Variants in ATXN7L1 observed in about 807,000 individuals in gnomAD.
ATXN7L1 encodes ataxin-7-like protein 1.
A neutral mutation model predicts 70.8 loss-of-function variants in ATXN7L1; 15 were observed. The observed-to-expected ratio is 0.21, with a 90% CI of 0.14 to 0.33. The LOEUF (loss-of-function observed/expected upper bound fraction) is 0.33. ATXN7L1 is among the 10% of genes least tolerant of loss of function. The pLI, the probability that ATXN7L1 is intolerant of heterozygous loss-of-function variation, is 1.00. For missense variants in ATXN7L1, 975 were observed against 1,097.1 expected (o/e 0.89, Z 1.57); for synonymous variants, 440 against 445.1 (o/e 0.99, Z 0.14).
chr7:105,617,818 C>T (rs771226464), intron 9 of ATXN7L1: 23 of 399,048 alleles, frequency 5.8e-5, no homozygotes, highest in Admixed American at 4.4e-4. Context: ...ACTGTGTTGG[C>T]GGCTCCTGAT....
chr7:105,809,520 G>T (rs1452369400), intron 2 of ATXN7L1, among the ~76,000 whole-genome samples: 1 of 152,112 alleles, frequency 6.6e-6, no homozygotes, highest in Non-Finnish European at 1.5e-5. Flanking sequence ...AGGCAGTATT[G>T]GTCCTTTATG....
chr7:105,610,691 G>T, intron 10 of ATXN7L1, 88 bp from the exon 11 acceptor site: 1 of 1,058,746 alleles, frequency 9.4e-7, no homozygotes, highest in Non-Finnish European at 1.4e-6. Context: ...GGAAAGAAGG[G>T]CTGCACAATG....
At chr7:105,847,162 G>A (rs1030512766) in intron 2 of ATXN7L1, among the ~76,000 whole-genome samples, 1 of 152,196 alleles carries the variant, frequency 6.6e-6, no homozygotes, top group African/African-American at 2.4e-5. Context: ...GTCACAGGGT[G>A]AGCCAAGCGT....
intron 3 of ATXN7L1, among the ~76,000 whole-genome samples, chr7:105,776,860 G>A (rs1802811722): frequency 6.6e-6 from 1 of 152,032 alleles, no homozygotes; most frequent in Non-Finnish European, 1.5e-5. Flanking sequence ...ATCTCTGCCT[G>A]CCAGGTTCAA....
At chr7:105,705,514 G>T (rs1307039723) in intron 3 of ATXN7L1, among the ~76,000 whole-genome samples, 1 of 152,048 alleles carries the variant, frequency 6.6e-6, no homozygotes, top group Non-Finnish European at 1.5e-5. Context: ...TGGCCTTGAG[G>T]GATGTCTAAG....
chr7:105,648,429 C>T (rs373448007), intron 4 of ATXN7L1, among the ~76,000 whole-genome samples: 3 of 152,204 alleles, frequency 2.0e-5, no homozygotes, highest in South Asian at 4.1e-4. Flanking sequence ...CGCTAGCCAT[C>T]GGGCCAGCCT....
intron 3 of ATXN7L1, among the ~76,000 whole-genome samples, chr7:105,770,928 G>C (rs1220197839): frequency 1.3e-5 from 2 of 152,042 alleles, no homozygotes; most frequent in Non-Finnish European, 2.9e-5. Context: ...TGGGCTAGGT[G>C]CAGTGGCTCA....
chr7:105,805,347 G>A (rs1194975125), intron 2 of ATXN7L1, among the ~76,000 whole-genome samples: 1 of 152,178 alleles, frequency 6.6e-6, no homozygotes, highest in Non-Finnish European at 1.5e-5. Flanking sequence ...CCAGGACTTG[G>A]TAAGTTGGAT....
At chr7:105,644,663 A>G (rs1481694760) in intron 4 of ATXN7L1, among the ~76,000 whole-genome samples, 1 of 152,266 alleles carries the variant, frequency 6.6e-6, no homozygotes. Context: ...AAGATGCTAG[A>G]CAGGTATTAC....
intron 3 of ATXN7L1, among the ~76,000 whole-genome samples, chr7:105,738,948 G>A (rs914110509): frequency 6.6e-6 from 1 of 152,196 alleles, no homozygotes; most frequent in Non-Finnish European, 1.5e-5. Flanking sequence ...TGGATGAGGT[G>A]GGGAGGGCAA....
chr7:105,760,493 G>T, intron 3 of ATXN7L1: 1 of 985,792 alleles, frequency 1.0e-6, no homozygotes, highest in Non-Finnish European at 1.2e-6. Context: ...TACTGGTGAG[G>T]TATAATTTCT....
Position 105,788,824 on chromosome 7 carries a change from G to A in ATXN7L1, c.251-116C>T, listed in dbSNP as rs138184829. ...TTTTTCAAACACAACACGCAGAAAG[G>A]CAATAATCTTTACTAACGGGAACTC... On this transcript the variant is annotated intron_variant, in intron 2 of 11. Coordinates refer to ENST00000419735, the MANE Select transcript of ATXN7L1 (RefSeq NM_020725.2). The A allele has an allele frequency of 4.0e-4, 323 of 811,406 alleles. 2 individuals carry two copies. In the African/African-American group the frequency reaches 5.0e-3, roughly 13 times the overall value. The allele number at this position is 811,406 out of a possible 1,614,324, so 50.3% of individuals were successfully genotyped here.
chr7:105,677,140 C>T lies in ATXN7L1; in HGVS notation c.356-11852G>A, dbSNP rs74956654. Among the ~76,000 whole-genome samples the T allele has an allele frequency of 9.8e-3, 1,492 of 152,300 alleles. 35 individuals carry two copies. Among genetic ancestry groups the T allele is most frequent in the African/African-American group, 0.034 (1,421 of 41,562 alleles). Reference sequence around the variant, plus strand: ...CAGCCACTTCTTTACTTTTGGACAGCAGGGCCAGGGCCCCCAAATCTGTGA... The same window carrying T: ...CAGCCACTTCTTTACTTTTGGACAGTAGGGCCAGGGCCCCCAAATCTGTGA... On this transcript the variant is annotated intron_variant, in intron 3 of 11. Transcript: ENST00000419735.
At chr7:105,780,402 T>G (rs1356270033) in intron 3 of ATXN7L1, among the ~76,000 whole-genome samples, 3 of 152,130 alleles carry the variant, frequency 2.0e-5, no homozygotes, top group Non-Finnish European at 2.9e-5. Flanking sequence ...TAAATTCTAC[T>G]GCATCACCAT....
chr7:105,771,195 G>A (rs1007712247), intron 3 of ATXN7L1, among the ~76,000 whole-genome samples: 6 of 100,574 alleles, frequency 6.0e-5, no homozygotes, highest in Middle Eastern at 3.9e-3. Context: ...GCAAGACTCC[G>A]TCTCTGATAA....
intron 3 of ATXN7L1, among the ~76,000 whole-genome samples, chr7:105,679,575 C>A (rs780754802): frequency 1.5e-4 from 23 of 152,186 alleles, no homozygotes; most frequent in Non-Finnish European, 2.9e-4. Flanking sequence ...GTTGTTGGAA[C>A]TATTGATTTA....
chr7:105,614,268 T>C lies in ATXN7L1; in HGVS notation c.2066A>G (p.Tyr689Cys), dbSNP rs551432660. The C allele has an allele frequency of 1.9e-6, 3 of 1,551,760 alleles. No individual in the cohort carries two copies. The highest frequency in any genetic ancestry group is 8.7e-7 in the Non-Finnish European group (1 of 1,147,024). The stretch of plus-strand genomic sequence containing the variant: ...GCTGTTATAGGGAGGGGCCGCCTGA[T>C]AGGAGTTCAAAGCAGAACTGGCATT... ...VLNASSALNS[Y>C]QAAPPYNSLS... The change falls in exon 10 of 12, where the codon TAT (tyrosine) becomes TGT (cysteine). Residue 689 changes from tyrosine (Y) to cysteine (C), a missense_variant. This residue lies in a region of ATXN7L1 where 635 missense variants were observed against 699.4 expected (regional missense o/e 0.91). Transcript: ENST00000419735. This position sits in a 1 kb window ranked among gnomAD's most constrained non-coding sequence, Gnocchi z 4.3.
chr7:105,800,908 A>C (rs1177025526), intron 2 of ATXN7L1, among the ~76,000 whole-genome samples: 2 of 152,248 alleles, frequency 1.3e-5, no homozygotes, highest in Non-Finnish European at 2.9e-5. Flanking sequence ...TCGCTAAGTA[A>C]AAAGCCAAAG....
chr7:105,712,476 G>A (rs2116273679), intron 3 of ATXN7L1, among the ~76,000 whole-genome samples: 1 of 152,168 alleles, frequency 6.6e-6, no homozygotes, highest in East Asian at 1.9e-4. Flanking sequence ...AAATCTCTTT[G>A]TTCAGCACAT....
Sources: gnomAD v4.1 joint callset for allele counts (sites outside exome capture counted in the v4.1 genomes callset) on GRCh38, gnomAD v4.1.1 for gene constraint, gnomAD v4.1.1 regional missense constraint, Gnocchi (gnomAD v3.1) non-coding constraint, MANE v1.5 for transcripts, NCBI Gene and HGNC (gene_info 2026-07-23, HGNC 2026-07-21) for gene names.